Variants in SPECC1 observed in about 807,000 individuals in gnomAD.
SPECC1 encodes cytospin-B.
In SPECC1, 62 loss-of-function variants were observed where a neutral mutation model predicts 104.1. The observed-to-expected ratio is 0.60, with a 90% confidence interval of 0.49 to 0.74. The LOEUF is 0.74. Among genes scored for constraint, SPECC1 ranks in the 30% least tolerant of loss-of-function variants. The pLI is 0.00. For synonymous variants in SPECC1, 513 were observed against 501.6 expected (o/e 1.02, Z -0.30); for missense variants, 1,306 against 1,310.5 (o/e 1.00, Z 0.05).
intron 3 of SPECC1, among the ~76,000 whole-genome samples, chr17:20,181,158 A>G (rs2034855586): frequency 6.6e-6 from 1 of 152,152 alleles, no homozygotes; most frequent in Admixed American, 6.5e-5. Context: ...AATTTGTAGA[A>G]TAGAACTGAA....
chr17:20,037,522 A>G (rs2045140749), intron 1 of SPECC1, among the ~76,000 whole-genome samples: 1 of 151,046 alleles, frequency 6.6e-6, no homozygotes, highest in Non-Finnish European at 1.5e-5. Context: ...CCTGCAGAGC[A>G]GAGCTACCCA....
rs1196272088 is a variant in SPECC1, at chr17:20,104,548, G to A, written c.148-5879G>A. On this transcript the variant is annotated intron_variant, in intron 2 of 14. Transcript: ENST00000395527. ...ACCTGAGGTCAGGAGTTTGAGACCA[G>A]CCTGGCCAACATGGTGAAATCCCGT... Among the ~76,000 whole-genome samples, 3 of 151,816 alleles carry A rather than the reference G, an allele frequency of 2.0e-5. No homozygotes were observed. In the East Asian group the frequency reaches 5.8e-4, roughly 29 times the overall value.
intron 1 of SPECC1, among the ~76,000 whole-genome samples, chr17:20,038,655 C>G (rs2045197965): frequency 6.6e-6 from 1 of 152,318 alleles, no homozygotes; most frequent in East Asian, 1.9e-4. Flanking sequence ...CAGCCTCGGC[C>G]TCCCAAAGTG....
In SPECC1 at chr17:20,257,361, A is replaced by T. The variant is rs879081837; in HGVS notation, c.2681-90A>T. 2.1e-6 allele frequency: 3 copies of T among 1,412,240 alleles called. No individual in the cohort carries two copies. In the African/African-American group the frequency reaches 4.4e-5, roughly 21 times the overall value. 87.5% of individuals were successfully genotyped at this position (1,412,240 alleles called of 1,614,324 possible). ...ATATATGTTTGCACTTGAGGATAAA[A>T]TGAGAACTGTATTGTATTTGAGAAT... is the stretch of plus-strand genomic sequence containing the variant. On this transcript the variant is annotated intron_variant, in intron 10 of 14. Coordinates refer to ENST00000395527, the MANE Select transcript of SPECC1 (RefSeq NM_001243439.2).
chr17:20,087,875 A>G (rs2047237238), intron 1 of SPECC1, among the ~76,000 whole-genome samples: 2 of 152,028 alleles, frequency 1.3e-5, no homozygotes, highest in Non-Finnish European at 2.9e-5. Flanking sequence ...TGGGAGAGCT[A>G]CTCTAGAGAG....
intron 3 of SPECC1, among the ~76,000 whole-genome samples, chr17:20,154,792 A>C (rs1332990093): frequency 1.3e-5 from 2 of 152,136 alleles, no homozygotes; most frequent in East Asian, 3.9e-4. Flanking sequence ...AGCGGCTTGG[A>C]TCGGGGGTAG....
At chr17:20,068,563 C>G (rs1022338721) in intron 1 of SPECC1, among the ~76,000 whole-genome samples, 1 of 152,174 alleles carries the variant, frequency 6.6e-6, no homozygotes, top group Non-Finnish European at 1.5e-5. Context: ...ACTCCCCAAA[C>G]TGTTTTTCAC....
At chr17:20,128,792 T>A (rs1017290868) in intron 3 of SPECC1, among the ~76,000 whole-genome samples, 3 of 152,188 alleles carry the variant, frequency 2.0e-5, no homozygotes, top group Admixed American at 6.5e-5. Context: ...GTTAAAAAAA[T>A]TAATGATATT....
At chr17:20,010,955 A>C (rs1005558861) in intron 1 of SPECC1, among the ~76,000 whole-genome samples, 3 of 152,212 alleles carry the variant, frequency 2.0e-5, no homozygotes, top group African/African-American at 7.2e-5. Flanking sequence ...TTTTCGTCTT[A>C]AAATTGTTAA....
chr17:20,096,531 A>G, intron 1 of SPECC1, 100 bp from the exon 2 acceptor site: 2 of 1,328,002 alleles, frequency 1.5e-6, no homozygotes, highest in Admixed American at 2.2e-5. Flanking sequence ...CTACTCTGTG[A>G]TAGTTCATGG....
At chr17:20,112,065 G>A (rs1287120641) in intron 3 of SPECC1, 5 of 766,568 alleles carry the variant, frequency 6.5e-6, no homozygotes, top group African/African-American at 1.7e-5. Context: ...ACCACCTGAG[G>A]GATTGTCAGG....
intron 1 of SPECC1, among the ~76,000 whole-genome samples, chr17:20,058,312 T>G (rs1386519300): frequency 6.6e-6 from 1 of 152,182 alleles, no homozygotes; most frequent in African/African-American, 2.4e-5. Context: ...AAAGCCTGAT[T>G]GTCCATGACT....
At chr17:20,230,581 A>G (rs2038510336) in intron 5 of SPECC1, among the ~76,000 whole-genome samples, 1 of 152,248 alleles carries the variant, frequency 6.6e-6, no homozygotes, top group Admixed American at 6.5e-5. Flanking sequence ...CTTAAAAGTC[A>G]GCACAGACAC....
intron 12 of SPECC1, among the ~76,000 whole-genome samples, chr17:20,281,131 G>A (rs552028664): frequency 4.6e-5 from 7 of 152,250 alleles, no homozygotes; most frequent in African/African-American, 7.2e-5. Context: ...TGGAAATGGC[G>A]GCTTTGGGTG....
intron 1 of SPECC1, among the ~76,000 whole-genome samples, chr17:20,064,234 G>T (rs1424504590): frequency 6.6e-6 from 1 of 152,182 alleles, no homozygotes; most frequent in Non-Finnish European, 1.5e-5. Context: ...GCAGCTGGGG[G>T]CCAGAGAAGG....
At chr17:20,304,244 C>T (rs1044655618) in intron 13 of SPECC1, among the ~76,000 whole-genome samples, 1 of 150,936 alleles carries the variant, frequency 6.6e-6, no homozygotes, top group Non-Finnish European at 1.5e-5. Context: ...GAGCTGAGCT[C>T]AAGCCACTAC....
intron 1 of SPECC1, among the ~76,000 whole-genome samples, chr17:20,034,727 T>TC (rs968615677): frequency 5.3e-5 from 8 of 150,376 alleles, no homozygotes; most frequent in Admixed American, 4.7e-4. Flanking sequence ...TGCCTCAGCC[T>TC]CCCAAGTAGC....
chr17:20,193,075 C>T (rs2035777850), intron 3 of SPECC1, among the ~76,000 whole-genome samples: 1 of 152,188 alleles, frequency 6.6e-6, no homozygotes, highest in Non-Finnish European at 1.5e-5. Context: ...ATATGCTAAA[C>T]AAGGGGTGGA....
intron 1 of SPECC1, among the ~76,000 whole-genome samples, chr17:20,057,496 G>C (rs2046012414): frequency 6.6e-6 from 1 of 151,984 alleles, no homozygotes; most frequent in Admixed American, 6.6e-5. Flanking sequence ...AGTGTTTTTT[G>C]TTTGTTTTTG....
Sources: allele counts gnomAD v4.1 joint callset (sites outside exome capture counted in the v4.1 genomes callset), GRCh38; gene constraint gnomAD v4.1.1; transcripts MANE v1.5; gene names NCBI Gene and HGNC (gene_info 2026-07-23, HGNC 2026-07-21).